Variants in CDON observed in about 807,000 individuals in gnomAD.
CDON encodes the protein cell adhesion molecule-related/down-regulated by oncogenes.
In CDON, 73 loss-of-function variants were observed where a neutral mutation model predicts 120.9. That is an observed-to-expected ratio of 0.60 (90% CI 0.50 to 0.73). The LOEUF (loss-of-function observed/expected upper bound fraction) is 0.73, where lower values mean the gene tolerates loss of function less well. CDON is among the 30% of genes least tolerant of loss of function. CDON has a pLI of 0.00. For missense variants in CDON, 1,470 were observed against 1,587.3 expected (o/e 0.93, Z 1.26); for synonymous variants, 566 against 573.5 (o/e 0.99, Z 0.19).
At chr11:126,011,057 A>G (rs1947289098) in intron 7 of CDON, 2 of 345,052 alleles carry the variant, frequency 5.8e-6, no homozygotes, top group Non-Finnish European at 1.1e-5. Flanking sequence ...GTAAATAAGT[A>G]TAAAAGTAGA....
chr11:126,024,396 C>T (rs1420194661), intron 1 of CDON, among the ~76,000 whole-genome samples: 1 of 152,100 alleles, frequency 6.6e-6, no homozygotes, highest in Admixed American at 6.6e-5. Flanking sequence ...CTGAGTCAAC[C>T]GTGGAGGTGG....
At chr11:125,984,963 TG>T (rs1292684306) in intron 15 of CDON, among the ~76,000 whole-genome samples, 4 of 152,296 alleles carry the variant, frequency 2.6e-5, no homozygotes, top group African/African-American at 9.6e-5. Context: ...ATCGGTGTTC[TG>T]GGTAATAGCG....
chr11:125,986,434 A>T (rs948328459), intron 15 of CDON, among the ~76,000 whole-genome samples: 19 of 152,042 alleles, frequency 1.2e-4, no homozygotes, highest in Admixed American at 2.6e-4. Context: ...AGTATAATTT[A>T]AAAAAAAGAG....
At chr11:126,055,563 C>T (rs1459894127) in intron 1 of CDON, among the ~76,000 whole-genome samples, 1 of 152,144 alleles carries the variant, frequency 6.6e-6, no homozygotes, top group African/African-American at 2.4e-5. Context: ...GGTTTTGATA[C>T]TTGGACACGT....
chr11:125,972,191 C>T (rs1157076518), intron 18 of CDON, among the ~76,000 whole-genome samples: 1 of 152,064 alleles, frequency 6.6e-6, no homozygotes, highest in Non-Finnish European at 1.5e-5. Flanking sequence ...ATTGGGAGGC[C>T]GAGGCGGGCA....
intron 16 of CDON, among the ~76,000 whole-genome samples, chr11:125,983,457 T>G (rs1946372589): frequency 6.6e-6 from 1 of 152,152 alleles, no homozygotes; most frequent in African/African-American, 2.4e-5. Context: ...GACAGTGACT[T>G]AGACAAGTTT....
At chr11:126,007,054 CA>C (rs1359490267) in intron 8 of CDON, among the ~76,000 whole-genome samples, 2 of 152,116 alleles carry the variant, frequency 1.3e-5, no homozygotes, top group Admixed American at 1.3e-4. Flanking sequence ...ATACTGCCAG[CA>C]CAATAAAACC....
rs762511903 is a variant in CDON at position 125,981,264 on chromosome 11, T to G, written c.3061A>C (p.Thr1021Pro). Residue 1021 changes from threonine (T) to proline (P), a missense_variant, in exon 17 of 20, where the codon ACT (threonine) becomes CCT (proline). Thr to Pro is a conservative substitution (Grantham distance 38). Transcript: ENST00000531738. ...DMNGQMVDYT[T>P]LSGASQINGN... ...TTTATCTGACTTGCTCCTGAGAGAG[T>G]GGTGTAGTCCACCATCTGCCCGTTC... is the stretch of plus-strand genomic sequence containing the variant. 6.2e-7 allele frequency: 1 copy of G among 1,613,948 alleles called. No individual in the cohort carries two copies. Among genetic ancestry groups the G allele is most frequent in the South Asian group, 1.1e-5 (1 of 91,086 alleles).
intron 1 of CDON, among the ~76,000 whole-genome samples, chr11:126,052,745 C>A (rs553968922): frequency 1.2e-4 from 18 of 151,730 alleles, no homozygotes; most frequent in Middle Eastern, 3.4e-3. Context: ...ATTGCTTGAA[C>A]CTGGGAGGCG....
intron 12 of CDON, among the ~76,000 whole-genome samples, chr11:125,996,549 A>C (rs1946789257): frequency 6.6e-6 from 1 of 151,632 alleles, no homozygotes; most frequent in Admixed American, 6.6e-5. Context: ...AAAATACAAA[A>C]ATTAGCTGGG....
chr11:125,965,825 A>G (rs1191829026), intron 18 of CDON, among the ~76,000 whole-genome samples: 3 of 152,210 alleles, frequency 2.0e-5, no homozygotes, highest in Non-Finnish European at 4.4e-5. Context: ...GCAAGTTTGT[A>G]TATCTGATGT....
intron 1 of CDON, among the ~76,000 whole-genome samples, chr11:126,059,179 A>G (rs892281019): frequency 2.6e-5 from 4 of 152,252 alleles, no homozygotes; most frequent in Admixed American, 1.3e-4. Context: ...AGGCAAGACC[A>G]AACAGTAAGA....
chr11:126,022,300 T>C (rs981196220), intron 2 of CDON, among the ~76,000 whole-genome samples: 2 of 152,124 alleles, frequency 1.3e-5, no homozygotes, highest in African/African-American at 2.4e-5. Context: ...TGGTACTTCC[T>C]TACTACTTCC....
chr11:125,982,460 T>C (rs145416598), intron 16 of CDON, among the ~76,000 whole-genome samples: 1 of 152,202 alleles, frequency 6.6e-6, no homozygotes, highest in Admixed American at 6.5e-5. Flanking sequence ...AAGGCTGGAT[T>C]AGGTGTCCCT....
At chr11:126,054,761 T>G (rs1220320291) in intron 1 of CDON, among the ~76,000 whole-genome samples, 1 of 152,138 alleles carries the variant, frequency 6.6e-6, no homozygotes, top group Non-Finnish European at 1.5e-5. Context: ...ATCCAGGATA[T>G]CTGAGTGTTT....
chr11:125,974,021 G>C (rs746777364), intron 18 of CDON, among the ~76,000 whole-genome samples: 1 of 151,628 alleles, frequency 6.6e-6, no homozygotes, highest in African/African-American at 2.4e-5. Flanking sequence ...TCATCCTCCG[G>C]TGTAGCTGGG....
At chr11:126,033,767 C>A (rs1948013699) in intron 1 of CDON, among the ~76,000 whole-genome samples, 2 of 152,092 alleles carry the variant, frequency 1.3e-5, no homozygotes, top group Non-Finnish European at 2.9e-5. Context: ...CATGATTCTA[C>A]AGGAGGAAAG....
At chr11:126,017,960 C>T (rs904980480) in intron 5 of CDON, among the ~76,000 whole-genome samples, 8 of 152,066 alleles carry the variant, frequency 5.3e-5, no homozygotes, top group Admixed American at 1.3e-4. Flanking sequence ...AGTGCAGTGG[C>T]GCAATCTCAG....
At chr11:126,045,782 C>T (rs914447768) in intron 1 of CDON, among the ~76,000 whole-genome samples, 3 of 152,074 alleles carry the variant, frequency 2.0e-5, no homozygotes, top group Non-Finnish European at 4.4e-5. Flanking sequence ...ACCAGCCTGA[C>T]CAACACAGAG....
Sources: allele counts gnomAD v4.1 joint callset (sites outside exome capture counted in the v4.1 genomes callset), GRCh38; gene constraint gnomAD v4.1.1; transcripts MANE v1.5; gene names NCBI Gene and HGNC (gene_info 2026-07-23, HGNC 2026-07-21).